Variants in ZFHX3 observed in about 807,000 individuals in gnomAD.
The protein encoded by ZFHX3 is zinc finger homeobox 3, also known as zinc finger homeobox protein 3.
In ZFHX3, 42 loss-of-function variants were observed where a neutral mutation model predicts 279.1. That is an observed-to-expected ratio of 0.15 (90% CI 0.12 to 0.19). ZFHX3 has a LOEUF of 0.19. ZFHX3 is among the 10% of genes least tolerant of loss of function. ZFHX3 has a pLI of 1.00. For synonymous variants in ZFHX3, 2,293 were observed against 1,957.8 expected (o/e 1.17, Z -4.52); for missense variants, 4,981 against 4,754.0 (o/e 1.05, Z -1.40).
intron 3 of ZFHX3, among the ~76,000 whole-genome samples, chr16:73,404,205 C>T (rs937586192): frequency 6.6e-6 from 1 of 152,146 alleles, no homozygotes; most frequent in African/African-American, 2.4e-5. Context: ...CCCCTCAACC[C>T]ACTTAGCTCA....
At chr16:73,145,528 CTGTT>C (rs1303376030) in intron 5 of ZFHX3, among the ~76,000 whole-genome samples, 1 of 152,224 alleles carries the variant, frequency 6.6e-6, no homozygotes, top group Non-Finnish European at 1.5e-5. Flanking sequence ...CAGCTAAAGA[CTGTT>C]TGATTGTTGA....
At chr16:73,864,918 C>A (rs538988736) in intron 1 of ZFHX3, among the ~76,000 whole-genome samples, 2 of 152,290 alleles carry the variant, frequency 1.3e-5, no homozygotes, top group South Asian at 2.1e-4. Context: ...TATGGGCTGG[C>A]CTCACAGCTT....
chr16:73,483,410 G>A (rs1460704927), intron 2 of ZFHX3: 1 of 455,684 alleles, frequency 2.2e-6, no homozygotes, highest in South Asian at 1.5e-5. Context: ...GACCAAAAGG[G>A]CTGGAAGAAA....
At chr16:73,523,767 T>A (rs1346176351) in intron 2 of ZFHX3, among the ~76,000 whole-genome samples, 3 of 152,120 alleles carry the variant, frequency 2.0e-5, no homozygotes, top group African/African-American at 7.2e-5. Context: ...TCGTTCCTGT[T>A]CTGATGAAAC....
chr16:72,887,884 C>T (rs753971834), intron 4 of ZFHX3, among the ~76,000 whole-genome samples: 24 of 151,730 alleles, frequency 1.6e-4, no homozygotes, highest in Admixed American at 1.3e-4. Flanking sequence ...TGTGCGCGCA[C>T]GTGCGAGAAC....
At chr16:73,539,651 C>T (rs549774565) in intron 2 of ZFHX3, among the ~76,000 whole-genome samples, 67 of 152,102 alleles carry the variant, frequency 4.4e-4, no homozygotes, top group African/African-American at 9.9e-4. Flanking sequence ...AGAAGAAGGG[C>T]GCACAAGCAG....
chr16:73,214,241 C>T (rs1038446182), intron 5 of ZFHX3, among the ~76,000 whole-genome samples: 8 of 152,154 alleles, frequency 5.3e-5, no homozygotes, highest in African/African-American at 4.8e-5. Flanking sequence ...AAAGCCTAAA[C>T]TGTAGCTTAC....
At position 72,959,824 on chromosome 16, in the gene ZFHX3, G is replaced by A; in HGVS notation, c.322C>T (p.Leu108=). Residue 108 remains leucine, a synonymous_variant, in exon 2 of 10, where the codon CTG becomes TTG. Coordinates refer to ENST00000268489, the MANE Select transcript of ZFHX3 (RefSeq NM_006885.4). ...HCPSARPPPP[L]REESASDTGE... is the part of the protein sequence containing the mutation. ...GTGTCGCTGGCGCTCTCCTCTCTCA[G>A]GGGTGGCGGGGGGCGCGCGCTGGGG... The A allele has an allele frequency of 6.3e-7, 1 of 1,593,764 alleles. No individual in the cohort carries two copies. The highest frequency in any genetic ancestry group is 8.6e-7 in the Non-Finnish European group (1 of 1,167,986).
intron 2 of ZFHX3, chr16:73,609,360 A>C (rs1409274786): frequency 6.6e-6 from 1 of 152,196 alleles, no homozygotes; most frequent in Non-Finnish European, 1.5e-5. Context: ...GACAAATTCG[A>C]ATATTTGACA....
Position 73,654,854 on chromosome 16 carries a change from C to CTTTTTTTTTTTTTTTTTTTTTTTTT in ZFHX3, c.-1547+25325_-1547+25326insAAAAAAAAAAAAAAAAAAAAAAAAA, listed in dbSNP as rs1382941693. Among the ~76,000 whole-genome samples, 2 of 64,126 alleles carry CTTTTTTTTTTTTTTTTTTTTTTTTT rather than the reference C, an allele frequency of 3.1e-5. 1 individual carries two copies. Among genetic ancestry groups the CTTTTTTTTTTTTTTTTTTTTTTTTT allele is most frequent in the African/African-American group, 1.4e-4 (2 of 14,364 alleles). The allele number at this position is 64,126 out of a possible 152,430, so 42.1% of individuals were successfully genotyped here. A position where few individuals can be genotyped will look rare whatever the true frequency, so the allele number is the denominator to read the frequency against. The stretch of plus-strand genomic sequence containing the variant: ...TCTCTCTTCTAAACGATAGTAATCA[C>CTTTTTTTTTTTTTTTTTTTTTTTTT]TTTTTTTTTTTTTTTTTTTTTTTTG... On this transcript the variant is annotated intron_variant, in intron 2 of 17. Transcript: ENST00000641206.
intron 1 of ZFHX3, among the ~76,000 whole-genome samples, chr16:73,720,258 G>T (rs1205020051): frequency 3.9e-5 from 6 of 152,118 alleles, no homozygotes; most frequent in Non-Finnish European, 7.3e-5. Flanking sequence ...TGACAATCTG[G>T]CAACATTTAT....
chr16:73,180,216 C>T (rs1037275069), intron 5 of ZFHX3, among the ~76,000 whole-genome samples: 2 of 152,114 alleles, frequency 1.3e-5, no homozygotes, highest in African/African-American at 2.4e-5. Flanking sequence ...AGTTGCTCCA[C>T]GAAACGCAGG....
At chr16:73,110,732 T>G (rs1966362697) in intron 7 of ZFHX3, among the ~76,000 whole-genome samples, 1 of 152,068 alleles carries the variant, frequency 6.6e-6, no homozygotes, top group Non-Finnish European at 1.5e-5. Flanking sequence ...GCCAGCTAAT[T>G]TTTTAATTTT....
At chr16:72,816,113 C>A (rs2036598716) in intron 5 of ZFHX3, among the ~76,000 whole-genome samples, 1 of 150,786 alleles carries the variant, frequency 6.6e-6, no homozygotes, top group Non-Finnish European at 1.5e-5. Flanking sequence ...ATGATCATTG[C>A]CTTTAGGTGA....
intron 1 of ZFHX3, among the ~76,000 whole-genome samples, chr16:73,819,795 A>G (rs1280676891): frequency 6.6e-6 from 1 of 152,198 alleles, no homozygotes; most frequent in East Asian, 1.9e-4. Flanking sequence ...GTCACCTAGT[A>G]TAACTTAGTC....
At chr16:72,875,454 A>T (rs2038284693) in intron 4 of ZFHX3, among the ~76,000 whole-genome samples, 1 of 152,026 alleles carries the variant, frequency 6.6e-6, no homozygotes, top group African/African-American at 2.4e-5. Context: ...GAAATTTCAT[A>T]AAACATGTGA....
chr16:73,235,065 T>A (rs959883350), intron 5 of ZFHX3, among the ~76,000 whole-genome samples: 4 of 152,242 alleles, frequency 2.6e-5, no homozygotes, highest in Non-Finnish European at 4.4e-5. Flanking sequence ...TACTTTTTCT[T>A]TCTTTATTTA....
chr16:73,259,938 C>T (rs1257905621), intron 4 of ZFHX3, among the ~76,000 whole-genome samples: 1 of 152,146 alleles, frequency 6.6e-6, no homozygotes, highest in Non-Finnish European at 1.5e-5. Flanking sequence ...TATATCTTAT[C>T]CAAATTTTTT....
At chr16:73,471,056 A>G (rs2018657425) in intron 2 of ZFHX3, among the ~76,000 whole-genome samples, 1 of 152,174 alleles carries the variant, frequency 6.6e-6, no homozygotes, top group South Asian at 2.1e-4. Flanking sequence ...TTTTCTTTAA[A>G]TATTTCTCTT....
Sources: allele counts gnomAD v4.1 joint callset (sites outside exome capture counted in the v4.1 genomes callset), GRCh38; gene constraint gnomAD v4.1.1; transcripts MANE v1.5; gene names NCBI Gene and HGNC (gene_info 2026-07-23, HGNC 2026-07-21).